DCT: variants seen among roughly 807,000 people sequenced by gnomAD.
DCT encodes the protein L-dopachrome tautomerase.
A neutral mutation model predicts 53.0 loss-of-function variants in DCT; 47 were observed. The ratio of observed to expected loss-of-function variants is 0.89; its 90% CI spans 0.70 to 1.13. The LOEUF (loss-of-function observed/expected upper bound fraction) is 1.13. Ranked by LOEUF, DCT falls within the 50% of genes most tolerant of loss-of-function variation. The probability of loss-of-function intolerance (pLI) is 0.00; values close to 1 mark genes in which losing one functional copy is unlikely to be tolerated. For missense variants in DCT, 669 were observed against 637.4 expected (o/e 1.05, Z -0.53); for synonymous variants, 244 against 237.0 (o/e 1.03, Z -0.27).
At position 94,479,084 on chromosome 13, in the gene DCT, G is replaced by A. The variant is rs376910067; in HGVS notation, c.172C>T (p.Arg58Trp). ...SANVCGSQQG[R>W]GQCTEVRADT... ...GCTCGCACCTCTGTGCACTGCCCCC[G>A]GCCTTGCTGAGAGCCACAGACATTG... Residue 58 changes from arginine (R) to tryptophan (W), a missense_variant, in exon 1 of 8, where the codon CGG becomes TGG. Coordinates refer to ENST00000377028, the MANE Select transcript of DCT (RefSeq NM_001922.5). 3 of 1,614,196 alleles carry A rather than the reference G, an allele frequency of 1.9e-6. No homozygotes were observed. Among genetic ancestry groups the A allele is most frequent in the South Asian group, 2.2e-5 (2 of 91,080 alleles).
chr13:94,442,591 A>G (rs953182414), intron 7 of DCT, among the ~76,000 whole-genome samples: 3 of 152,356 alleles, frequency 2.0e-5, no homozygotes, highest in Middle Eastern at 3.4e-3. Flanking sequence ...TGTGCCCTGT[A>G]TATACTTGTC....
chr13:94,490,973 G>A, the DCT span, among the ~76,000 whole-genome samples: 2 of 152,134 alleles, frequency 1.3e-5, no homozygotes, highest in African/African-American at 2.4e-5. Context: ...TGATTCAAAG[G>A]CCAGGTTGGA....
chr13:94,527,675 G>A, the DCT span, among the ~76,000 whole-genome samples: 1 of 152,172 alleles, frequency 6.6e-6, no homozygotes, highest in Non-Finnish European at 1.5e-5. Context: ...GCACAAAGAT[G>A]GGGAGAAACC....
the DCT span, among the ~76,000 whole-genome samples, chr13:94,541,158 A>G: frequency 1.3e-5 from 2 of 152,154 alleles, no homozygotes; most frequent in Non-Finnish European, 2.9e-5. Context: ...AGGTGGAGAT[A>G]AAGAGGTGTT....
chr13:94,510,651 A>G, the DCT span, among the ~76,000 whole-genome samples: 1 of 152,242 alleles, frequency 6.6e-6, no homozygotes, highest in African/African-American at 2.4e-5. Context: ...GGCTTATGTT[A>G]TATTTCTAGC....
At chr13:94,443,371 A>G (rs943586388) in intron 7 of DCT, 65 bp downstream of exon 7, 1 of 1,305,560 alleles carries the variant, frequency 7.7e-7, no homozygotes, top group South Asian at 1.2e-5. Flanking sequence ...ATAAAGAAAG[A>G]AAGCAAGAAA....
Position 94,438,685 on chromosome 13 carries a change from A to T in DCT, c.*1213T>A, listed in dbSNP as rs1461557361. The T allele has an allele frequency of 2.2e-6, 1 of 455,730 alleles. No homozygotes were observed. Among genetic ancestry groups the T allele is most frequent in the Non-Finnish European group, 4.4e-6 (1 of 226,728 alleles). 28.2% of individuals were successfully genotyped at this position (455,730 alleles called of 1,614,324 possible). ...TAACTTCTCTGAAGTGGGGTCCATCATGATAAGTCTGAACATCGTAGTAAA... is the reference window on the plus strand; with the variant it reads ...TAACTTCTCTGAAGTGGGGTCCATCTTGATAAGTCTGAACATCGTAGTAAA... On this transcript the variant is annotated 3_prime_UTR_variant, in exon 8 of 8. Transcript: ENST00000377028.
chr13:94,445,828 T>G, intron 6 of DCT: 3 of 1,127,810 alleles, frequency 2.7e-6, no homozygotes, highest in Non-Finnish European at 3.9e-6. Context: ...TGAGCTGAAT[T>G]GGGACCCGCT....
chr13:94,502,828 T>C, the DCT span, among the ~76,000 whole-genome samples: 57,094 of 151,946 alleles, frequency 0.38, 11,215 homozygotes, highest in East Asian at 0.61. Context: ...AGACCACATC[T>C]GCTCATGCAG....
At chr13:94,478,850 G>A in intron 1 of DCT, 111 bp downstream of exon 1, 1 of 1,084,926 alleles carries the variant, frequency 9.2e-7, no homozygotes, top group Admixed American at 2.5e-5. Flanking sequence ...TCATTGGTTT[G>A]CCTTTCAAAG....
At chr13:94,506,136 A>G in the DCT span, among the ~76,000 whole-genome samples, 8 of 152,334 alleles carry the variant, frequency 5.3e-5, no homozygotes, top group South Asian at 2.1e-4. Flanking sequence ...GAAATCACGT[A>G]TAGTTTGTTA....
chr13:94,528,702 G>A, the DCT span, among the ~76,000 whole-genome samples: 18 of 152,252 alleles, frequency 1.2e-4, 1 homozygote, highest in African/African-American at 3.9e-4. Context: ...AAATGGTAAA[G>A]AGCATCGACA....
chr13:94,529,582 T>C, the DCT span, among the ~76,000 whole-genome samples: 61,369 of 152,016 alleles, frequency 0.4, 13,125 homozygotes, highest in East Asian at 0.61. Flanking sequence ...AAGATGTCCT[T>C]TGAAACCAAT....
At chr13:94,477,129 T>C (rs1262885191) in intron 1 of DCT, among the ~76,000 whole-genome samples, 1 of 152,148 alleles carries the variant, frequency 6.6e-6, no homozygotes, top group East Asian at 1.9e-4. Flanking sequence ...CAGATCTCAC[T>C]CTGTCACCCA....
the DCT span, among the ~76,000 whole-genome samples, chr13:94,518,856 C>T: frequency 6.6e-6 from 1 of 152,100 alleles, no homozygotes; most frequent in South Asian, 2.1e-4. Flanking sequence ...CATGATTTGG[C>T]CTCTTCTCTC....
At chr13:94,505,356 C>A in the DCT span, among the ~76,000 whole-genome samples, 14 of 152,062 alleles carry the variant, frequency 9.2e-5, no homozygotes, top group Non-Finnish European at 1.8e-4. Flanking sequence ...GATAATATTA[C>A]CTCCAGATTA....
At chr13:94,453,564 T>C (rs1883230183) in intron 6 of DCT, among the ~76,000 whole-genome samples, 1 of 152,048 alleles carries the variant, frequency 6.6e-6, no homozygotes, top group African/African-American at 2.4e-5. Flanking sequence ...AAAAAAGCAA[T>C]GCCCTATTGA....
the DCT span, among the ~76,000 whole-genome samples, chr13:94,506,199 G>C: frequency 7.9e-5 from 12 of 152,042 alleles, no homozygotes; most frequent in Non-Finnish European, 1.5e-4. Context: ...TTCTCCCCCT[G>C]GTGTTTACTT....
the DCT span, among the ~76,000 whole-genome samples, chr13:94,495,045 AT>A: frequency 2.6e-5 from 4 of 152,126 alleles, no homozygotes; most frequent in Non-Finnish European, 5.9e-5. Context: ...CCTCTATGAT[AT>A]TTTCCATGAG....
Sources: allele counts gnomAD v4.1 joint callset (sites outside exome capture counted in the v4.1 genomes callset), GRCh38; gene constraint gnomAD v4.1.1; transcripts MANE v1.5; gene names NCBI Gene and HGNC (gene_info 2026-07-23, HGNC 2026-07-21).